The following CFTR variants were observed in gnomAD, a reference collection of about 807,000 sequenced individuals.
CFTR encodes the protein cystic fibrosis transmembrane conductance regulator.
In CFTR, 181 loss-of-function variants were observed where a neutral mutation model predicts 171.6. The observed-to-expected ratio is 1.05, with a 90% confidence interval of 0.93 to 1.19. The LOEUF is 1.19. CFTR is among the 50% of genes most tolerant of loss of function. The probability of loss-of-function intolerance (pLI) is 0.00; values close to 1 mark genes in which losing one functional copy is unlikely to be tolerated. For synonymous variants in CFTR, 583 were observed against 608.0 expected, an observed-to-expected ratio of 0.96 and a Z score of 0.60; for missense variants, 1,968 against 1,734.7, an observed-to-expected ratio of 1.13 and a Z score of -2.39.
chr7:117,482,952 C>A (rs1798020397), intron 1 of CFTR, among the ~76,000 whole-genome samples: 1 of 152,200 alleles, frequency 6.6e-6, no homozygotes, highest in African/African-American at 2.4e-5. Flanking sequence ...CCACTGATTT[C>A]TTACAAGGGA....
At chr7:117,508,119 A>G (rs936332795) in intron 2 of CFTR, among the ~76,000 whole-genome samples, 3 of 152,262 alleles carry the variant, frequency 2.0e-5, no homozygotes, top group Non-Finnish European at 2.9e-5. Flanking sequence ...ACTTATGGTA[A>G]CTTGACAGTA....
At chr7:117,563,179 T>A (rs1218273742) in intron 11 of CFTR, among the ~76,000 whole-genome samples, 1 of 152,214 alleles carries the variant, frequency 6.6e-6, no homozygotes, top group Non-Finnish European at 1.5e-5. Flanking sequence ...TTACTTAACC[T>A]TGCTATGTCT....
chr7:117,534,554 C>T (rs1020276347), intron 5 of CFTR, among the ~76,000 whole-genome samples, 189 bp downstream of exon 5: 1 of 152,178 alleles, frequency 6.6e-6, no homozygotes. Flanking sequence ...GGTAGAACCA[C>T]CCAACTCAAA....
At position 117,666,909 on chromosome 7, in the gene CFTR, T is replaced by G. The variant is rs779591474; in HGVS notation, c.4244T>G (p.Val1415Gly). 2 of 1,613,914 alleles carry G rather than the reference T, an allele frequency of 1.2e-6. No individual in the cohort carries two copies. The highest frequency in any genetic ancestry group is 2.2e-5 in the South Asian group (2 of 91,072). ...TCTCACTAACAGCCATTTCCCTAGG[T>G]CATAGAAGAGAACAAAGTGCGGCAG... The part of the protein sequence containing the change: ...EAMLECQQFL[V>G]IEENKVRQYD... The change falls in exon 27 of 27, where the codon GTC (valine) becomes GGC (glycine). Residue 1415 changes from valine (V) to glycine (G), a missense_variant and splice_region_variant. By Grantham distance (109) the Val-to-Gly change is moderately radical. Coordinates refer to ENST00000003084, the MANE Select transcript of CFTR (RefSeq NM_000492.4).
intron 17 of CFTR, chr7:117,604,868 A>G (rs2116064805): frequency 6.6e-6 from 1 of 152,262 alleles, no homozygotes; most frequent in South Asian, 2.1e-4. Context: ...ACATTTCTAG[A>G]AGAGTCAGAC....
At position 117,667,898 on chromosome 7, in the gene CFTR, A is replaced by G. The variant is rs560400140; in HGVS notation, c.*790A>G. 2.6e-5 allele frequency: 4 copies of G among 152,494 alleles called. No individual in the cohort carries two copies. The highest frequency in any genetic ancestry group is 9.6e-5 in the African/African-American group (4 of 41,548). 9.4% of individuals were successfully genotyped at this position (152,494 alleles called of 1,614,324 possible). ...GAAGAAGTTGATATGCCTTTTCCCAACTCCAGAAAGTGACAAGCTCACAGA... is the reference window on the plus strand; with the variant it reads ...GAAGAAGTTGATATGCCTTTTCCCAGCTCCAGAAAGTGACAAGCTCACAGA... On this transcript the variant is annotated 3_prime_UTR_variant, in exon 27 of 27. Coordinates refer to ENST00000003084, the MANE Select transcript of CFTR (RefSeq NM_000492.4).
At position 117,648,996 on chromosome 7, in the gene CFTR, C is replaced by T. The variant is rs148411626; in HGVS notation, c.3874-3846C>T. Among the ~76,000 whole-genome samples, 929 of 152,026 alleles carry T rather than the reference C, an allele frequency of 6.1e-3. 8 individuals are homozygous for T. The highest frequency in any genetic ancestry group is 0.021 in the African/African-American group (874 of 41,496). On this transcript the variant is annotated intron_variant, in intron 23 of 26. Transcript: ENST00000003084. ...GAATTTCTGAATGGTATCAAATTCA[C>T]CACACTTAAAACTTTGGGATGTCTA...
chr7:117,616,681 A>G (rs925004550), intron 21 of CFTR, among the ~76,000 whole-genome samples: 2 of 152,116 alleles, frequency 1.3e-5, no homozygotes, highest in South Asian at 2.1e-4. Flanking sequence ...GTGCTTTGAT[A>G]TCGTGCCTTT....
chr7:117,607,628 G>A (rs774519518), intron 18 of CFTR, among the ~76,000 whole-genome samples: 3 of 150,652 alleles, frequency 2.0e-5, no homozygotes, highest in African/African-American at 4.9e-5. Flanking sequence ...GTCATTGTCC[G>A]CTCTTGCTCT....
chr7:117,567,506 C>T (rs1441389579), intron 11 of CFTR, among the ~76,000 whole-genome samples: 1 of 152,088 alleles, frequency 6.6e-6, no homozygotes, highest in African/African-American at 2.4e-5. Context: ...GACATTAATA[C>T]CTACTTTTTA....
chr7:117,496,786 C>T (rs562925450), intron 1 of CFTR, among the ~76,000 whole-genome samples: 1 of 152,252 alleles, frequency 6.6e-6, no homozygotes, highest in South Asian at 2.1e-4. Context: ...TTTTAAATTC[C>T]TTCCACCATT....
In CFTR at chr7:117,540,010, A is replaced by G. The variant is rs1258556576; in HGVS notation, c.870-90A>G. 1.2e-5 allele frequency: 13 copies of G among 1,118,792 alleles called. No individual in the cohort carries two copies. In the African/African-American group the frequency reaches 1.5e-4, roughly 13 times the overall value. 69.3% of individuals were successfully genotyped at this position (1,118,792 alleles called of 1,614,324 possible). A position where few individuals can be genotyped will look rare whatever the true frequency, so the allele number is the denominator to read the frequency against. ...TTAAAAATATAGGCAGAAAGACTCT[A>G]GAGACCATGCTCAGATCTTCCATTC... On this transcript the variant is annotated intron_variant, in intron 7 of 26. Coordinates refer to ENST00000003084, the MANE Select transcript of CFTR (RefSeq NM_000492.4).
intron 1 of CFTR, 36 bp downstream of exon 1, chr7:117,480,183 G>C (rs369886128): frequency 6.2e-7 from 1 of 1,608,330 alleles, no homozygotes; most frequent in African/African-American, 1.3e-5. Context: ...GGAAAGACAC[G>C]TGCCCACGAA....
At chr7:117,496,089 G>A (rs34427586) in intron 1 of CFTR, among the ~76,000 whole-genome samples, 2,255 of 152,154 alleles carry the variant, frequency 0.015, 56 homozygotes, top group African/African-American at 0.051. Context: ...CTATAGATTT[G>A]CCTGTTCTGG....
chr7:117,614,980 G>A (rs1267457394), intron 21 of CFTR, among the ~76,000 whole-genome samples: 1 of 151,966 alleles, frequency 6.6e-6, no homozygotes, highest in Non-Finnish European at 1.5e-5. Context: ...ATACCTAGGG[G>A]TTGTATTGCT....
intron 1 of CFTR, among the ~76,000 whole-genome samples, chr7:117,482,260 A>T (rs1346229924): frequency 6.6e-6 from 1 of 152,192 alleles, no homozygotes; most frequent in Non-Finnish European, 1.5e-5. Context: ...TAACTTTCTG[A>T]ATAGGATCCC....
intron 20 of CFTR, among the ~76,000 whole-genome samples, chr7:117,612,055 A>ATG (rs1792415023): frequency 1.3e-5 from 1 of 74,864 alleles, no homozygotes; most frequent in African/African-American, 6.7e-5. Context: ...ATATATATAC[A>ATG]TATATATATA....
At chr7:117,561,765 C>A (rs549444461) in intron 11 of CFTR, among the ~76,000 whole-genome samples, 1 of 151,988 alleles carries the variant, frequency 6.6e-6, no homozygotes, top group African/African-American at 2.4e-5. Context: ...AATAACAAAT[C>A]GAATTAGTGA....
intron 11 of CFTR, chr7:117,560,813 G>A (rs922282277): frequency 6.6e-6 from 1 of 151,988 alleles, no homozygotes; most frequent in Non-Finnish European, 1.5e-5. Context: ...GAAAAATCTG[G>A]ATTTGTTACA....
Sources: allele counts gnomAD v4.1 joint callset (sites outside exome capture counted in the v4.1 genomes callset), GRCh38; gene constraint gnomAD v4.1.1; transcripts MANE v1.5; gene names NCBI Gene and HGNC (gene_info 2026-07-23, HGNC 2026-07-21).